Variants in MAP3K20 observed in about 807,000 individuals in gnomAD.
MAP3K20 encodes mitogen-activated protein kinase kinase kinase 20, also known as HCCS-4.
In MAP3K20, 40 loss-of-function variants were observed where a neutral mutation model predicts 85.7. That is an observed-to-expected ratio of 0.47 (90% confidence interval 0.36 to 0.61). The LOEUF (loss-of-function observed/expected upper bound fraction) is 0.61, where lower values mean the gene tolerates loss of function less well. MAP3K20 is among the 20% of genes least tolerant of loss of function. MAP3K20 has a pLI of 0.00. For synonymous variants in MAP3K20, 325 were observed against 327.7 expected (o/e 0.99, Z 0.09); for missense variants, 817 against 961.7 (o/e 0.85, Z 1.99).
At chr2:173,237,019 C>CTTTTTT (rs368196400) in intron 14 of MAP3K20, among the ~76,000 whole-genome samples, 90 of 75,572 alleles carry the variant, frequency 1.2e-3, no homozygotes, top group East Asian at 1.5e-3. Context: ...GTATATCCAC[C>CTTTTTT]TTTTTTTTTT....
chr2:173,226,332 CT>C (rs1684387280), intron 11 of MAP3K20: 1 of 984,512 alleles, frequency 1.0e-6, no homozygotes, highest in Non-Finnish European at 1.2e-6. Context: ...AATATTAATA[CT>C]TTAAAAAATT....
At chr2:173,221,396 A>G in intron 11 of MAP3K20, 1 of 1,614,124 alleles carries the variant, frequency 6.2e-7, no homozygotes, top group Non-Finnish European at 8.5e-7. Context: ...GAATTCTTCC[A>G]AAACCACATC....
intron 2 of MAP3K20, among the ~76,000 whole-genome samples, chr2:173,145,374 T>C: frequency 6.6e-6 from 1 of 152,214 alleles, no homozygotes; most frequent in East Asian, 1.9e-4. Context: ...TAATGAGATA[T>C]ATCTGTCAAA....
chr2:173,241,684 T>C (rs1684787112), intron 16 of MAP3K20, among the ~76,000 whole-genome samples: 1 of 152,196 alleles, frequency 6.6e-6, no homozygotes, highest in Non-Finnish European at 1.5e-5. Context: ...ACATTAAATT[T>C]TTTTTTAAAG....
intron 1 of MAP3K20, chr2:173,090,619 A>G (rs1311626718): frequency 3.0e-6 from 3 of 993,802 alleles, no homozygotes; most frequent in Admixed American, 1.2e-4. Context: ...CAGGGGAGCT[A>G]TGCAAGCTTG....
At position 173,217,095 on chromosome 2, in the gene MAP3K20, C is replaced by A. The variant is rs141237040; in HGVS notation, c.852-20C>A. On this transcript the variant is annotated intron_variant, in intron 10 of 19. Transcript: ENST00000375213. ...GTCTCTTAAGTAAAGTTGAGACTTA[C>A]ACCAGCTATCCCCGTGCAGGTGCGA... is the stretch of plus-strand genomic sequence containing the variant. 137 of 1,484,982 alleles carry A rather than the reference C, an allele frequency of 9.2e-5. 1 individual carries two copies. The African/African-American group carries it at 1.5e-3, about 16-fold the overall frequency. The allele number at this position is 1,484,982 out of a possible 1,614,324, so 92.0% of individuals were successfully genotyped here.
chr2:173,104,980 G>A (rs1476627825), intron 2 of MAP3K20, among the ~76,000 whole-genome samples: 1 of 152,190 alleles, frequency 6.6e-6, no homozygotes. Context: ...TGGAGTGTGT[G>A]AGGGAGGAGA....
chr2:173,079,721 C>T (rs1260097884), intron 1 of MAP3K20, among the ~76,000 whole-genome samples: 1 of 152,042 alleles, frequency 6.6e-6, no homozygotes, highest in East Asian at 1.9e-4. Context: ...ATCAGCCTAG[C>T]CCCACATGGG....
At chr2:173,165,803 C>T (rs1456394389) in intron 2 of MAP3K20, among the ~76,000 whole-genome samples, 1 of 152,186 alleles carries the variant, frequency 6.6e-6, no homozygotes, top group Admixed American at 6.5e-5. Context: ...TCCTGAGTAG[C>T]TGGGACCACA....
intron 2 of MAP3K20, among the ~76,000 whole-genome samples, chr2:173,137,284 C>T (rs180937805): frequency 2.2e-4 from 34 of 152,308 alleles, no homozygotes; most frequent in African/African-American, 7.7e-4. Context: ...TCTGCCAAAA[C>T]ACCTGGACTA....
intron 2 of MAP3K20, 53 bp from the exon 3 acceptor site, chr2:173,169,752 G>T: frequency 1.9e-6 from 3 of 1,541,502 alleles, no homozygotes; most frequent in South Asian, 2.3e-5. Flanking sequence ...TGTTTTATTT[G>T]ACTATTATAA....
chr2:173,192,109 T>C (rs1209337861), intron 7 of MAP3K20, among the ~76,000 whole-genome samples: 1 of 152,222 alleles, frequency 6.6e-6, no homozygotes, highest in African/African-American at 2.4e-5. Flanking sequence ...CTGCTGTTTA[T>C]ACTATTACTT....
chr2:173,222,201 G>A, intron 11 of MAP3K20: 3 of 964,376 alleles, frequency 3.1e-6, no homozygotes, highest in Non-Finnish European at 3.7e-6. Context: ...ACAAGATCCT[G>A]TCTCAAAAAA....
chr2:173,216,576 G>A (rs1050932104), intron 10 of MAP3K20, among the ~76,000 whole-genome samples: 13 of 152,030 alleles, frequency 8.6e-5, no homozygotes, highest in Admixed American at 3.3e-4. Context: ...GAACCCTAAT[G>A]TACTATAACC....
intron 9 of MAP3K20, among the ~76,000 whole-genome samples, chr2:173,208,541 T>TATCA (rs1683767966): frequency 6.6e-6 from 1 of 152,214 alleles, no homozygotes. Flanking sequence ...GCTTAATATA[T>TATCA]ATCAGTAACA....
At chr2:173,190,429 T>C (rs1281791757) in intron 5 of MAP3K20, among the ~76,000 whole-genome samples, 4 of 152,200 alleles carry the variant, frequency 2.6e-5, no homozygotes, top group African/African-American at 9.7e-5. Context: ...TTACCCACAG[T>C]AGCCTCAGCA....
intron 1 of MAP3K20, among the ~76,000 whole-genome samples, chr2:173,083,467 C>T (rs1687065053): frequency 6.6e-6 from 1 of 152,090 alleles, no homozygotes; most frequent in African/African-American, 2.4e-5. Context: ...GATCCTCCTG[C>T]CTCAGCCTTG....
chr2:173,147,826 C>T (rs769143646), intron 2 of MAP3K20, among the ~76,000 whole-genome samples: 37 of 152,052 alleles, frequency 2.4e-4, no homozygotes, highest in Non-Finnish European at 4.3e-4. Flanking sequence ...ATCTCGTGAT[C>T]CACCCACCTC....
At chr2:173,186,442 T>G (rs1409160029) in intron 4 of MAP3K20, among the ~76,000 whole-genome samples, 3 of 152,190 alleles carry the variant, frequency 2.0e-5, no homozygotes, top group Non-Finnish European at 4.4e-5. Context: ...TTACTAATAC[T>G]TGTGTTAACT....
Sources: allele counts gnomAD v4.1 joint callset (sites outside exome capture counted in the v4.1 genomes callset), GRCh38; gene constraint gnomAD v4.1.1; transcripts MANE v1.5; gene names NCBI Gene and HGNC (gene_info 2026-07-23, HGNC 2026-07-21).